Variants in URM1 observed in about 807,000 individuals in gnomAD.
The protein encoded by URM1 is ubiquitin-related modifier 1.
A neutral mutation model predicts 17.7 loss-of-function variants in URM1; 11 were observed. The observed-to-expected ratio is 0.62, with a 90% confidence interval of 0.39 to 1.03. The LOEUF (loss-of-function observed/expected upper bound fraction) is 1.03, where lower values mean the gene tolerates loss of function less well. URM1 is among the 50% of genes least tolerant of loss of function. The probability of loss-of-function intolerance (pLI) is 0.00; values close to 1 mark genes in which losing one functional copy is unlikely to be tolerated. For synonymous variants in URM1, 48 were observed against 50.6 expected (o/e 0.95, Z 0.22); for missense variants, 128 against 129.2 (o/e 0.99, Z 0.04).
At chr9:128,371,890 C>A (rs941165770) in intron 1 of URM1, among the ~76,000 whole-genome samples, 1 of 152,092 alleles carries the variant, frequency 6.6e-6, no homozygotes, top group African/African-American at 2.4e-5. Flanking sequence ...CTTTTTCTTT[C>A]CTAAGACTTG....
At chr9:128,389,105 A>T (rs1050504789) in intron 3 of URM1, 156 bp from the exon 4 acceptor site, 1 of 1,442,194 alleles carries the variant, frequency 6.9e-7, no homozygotes, top group Non-Finnish European at 9.1e-7. Context: ...CTTCACACTC[A>T]GACCAGCCTC....
intron 2 of URM1, among the ~76,000 whole-genome samples, chr9:128,381,432 C>T (rs1342825540): frequency 6.6e-6 from 1 of 152,232 alleles, no homozygotes; most frequent in Non-Finnish European, 1.5e-5. Flanking sequence ...TGCAGTGGCT[C>T]ACTCCTGTAA....
chr9:128,377,338 G>C (rs980485802), intron 1 of URM1, among the ~76,000 whole-genome samples: 3 of 152,162 alleles, frequency 2.0e-5, no homozygotes, highest in African/African-American at 7.2e-5. Flanking sequence ...ATCAGCCTGG[G>C]TAACATAACA....
chr9:128,386,707 G>A (rs752030905), intron 2 of URM1, among the ~76,000 whole-genome samples: 24 of 152,226 alleles, frequency 1.6e-4, no homozygotes, highest in African/African-American at 4.1e-4. Flanking sequence ...TTTCCCTTGC[G>A]TACACTCTGG....
chr9:128,385,157 G>C (rs766457684), intron 2 of URM1, among the ~76,000 whole-genome samples: 1 of 152,074 alleles, frequency 6.6e-6, no homozygotes, highest in Non-Finnish European at 1.5e-5. Context: ...TACCTTCTCT[G>C]TTCTGCTGCC....
At position 128,389,951 on chromosome 9, in the gene URM1, C is replaced by A; in HGVS notation, c.*217C>A. ...AAGGCAGACAGGCGCCAGAGCCCAG[C>A]ACTCCCTTTTCCAGCAGCTGTGGTG... On this transcript the variant is annotated 3_prime_UTR_variant, in exon 5 of 5. Coordinates refer to ENST00000372853, the MANE Select transcript of URM1 (RefSeq NM_030914.4). The A allele has an allele frequency of 1.6e-6, 1 of 614,094 alleles. No homozygotes were observed. Among genetic ancestry groups the A allele is most frequent in the Non-Finnish European group, 2.8e-6 (1 of 359,736 alleles). 38.0% of individuals were successfully genotyped at this position (614,094 alleles called of 1,614,324 possible). A position where few individuals can be genotyped will look rare whatever the true frequency, so the allele number is the denominator to read the frequency against.
At chr9:128,377,836 G>A (rs1402800325) in intron 1 of URM1, among the ~76,000 whole-genome samples, 200 bp from the exon 2 acceptor site, 1 of 152,160 alleles carries the variant, frequency 6.6e-6, no homozygotes. Context: ...TTCCAGCATA[G>A]GCGACAGAGT....
intron 1 of URM1, among the ~76,000 whole-genome samples, chr9:128,372,995 G>A (rs2131286802): frequency 6.6e-6 from 1 of 152,116 alleles, no homozygotes; most frequent in South Asian, 2.1e-4. Flanking sequence ...TATCAACAAT[G>A]TCTCTGCTAG....
intron 2 of URM1, among the ~76,000 whole-genome samples, chr9:128,379,451 C>G (rs554026085): frequency 6.6e-6 from 1 of 152,030 alleles, no homozygotes; most frequent in Non-Finnish European, 1.5e-5. Flanking sequence ...TGCACTCCAG[C>G]CTGGGCAACA....
At chr9:128,377,951 C>G in intron 1 of URM1, 85 bp from the exon 2 acceptor site, 1 of 1,437,916 alleles carries the variant, frequency 7.0e-7, no homozygotes, top group Non-Finnish European at 9.8e-7. Context: ...CATTACCAGC[C>G]CTATCCTCAG....
intron 3 of URM1, 120 bp downstream of exon 3, chr9:128,388,017 C>A: frequency 6.9e-7 from 1 of 1,445,074 alleles, no homozygotes; most frequent in Non-Finnish European, 9.1e-7. Context: ...TCCTCCCTAA[C>A]TCTTCCAGCT....
At chr9:128,379,101 C>T (rs544279521) in intron 2 of URM1, among the ~76,000 whole-genome samples, 1 of 152,208 alleles carries the variant, frequency 6.6e-6, no homozygotes, top group African/African-American at 2.4e-5. Flanking sequence ...CCAGTCTCCA[C>T]CTATGACTGA....
At chr9:128,389,143 C>G in intron 3 of URM1, 118 bp from the exon 4 acceptor site, 5 of 1,490,058 alleles carry the variant, frequency 3.4e-6, no homozygotes, top group Non-Finnish European at 4.4e-6. Flanking sequence ...TTAGCCAGAC[C>G]CCAGGAGGAA....
intron 2 of URM1, among the ~76,000 whole-genome samples, chr9:128,384,720 A>C (rs1295095786): frequency 6.6e-6 from 1 of 152,124 alleles, no homozygotes; most frequent in African/African-American, 2.4e-5. Context: ...AGCTTTGTAT[A>C]TATCGTCTTA....
intron 3 of URM1, chr9:128,388,263 T>C (rs934016248): frequency 5.5e-6 from 6 of 1,091,260 alleles, no homozygotes; most frequent in African/African-American, 1.6e-5. Context: ...CTAAATATTC[T>C]GTTTTATTTC....
At position 128,371,413 on chromosome 9, in the gene URM1, C is replaced by G. The variant is rs752847603; in HGVS notation, c.33C>G (p.Phe11Leu). 1.9e-6 allele frequency: 3 copies of G among 1,612,774 alleles called. No homozygotes were observed. The highest frequency in any genetic ancestry group is 2.5e-6 in the Non-Finnish European group (3 of 1,179,232). The stretch of plus-strand genomic sequence containing the variant: ...CGCCCTTGTCAGTGGAGGTGGAGTT[C>G]GGGTGAGTCACAGAGCTGGGGCGCC... The part of the protein sequence containing the change: MAAPLSVEVE[F>L]GGGAELLFDG... The change falls in exon 1 of 5, where the codon TTC becomes TTG. Residue 11 changes from phenylalanine to leucine, a missense_variant and splice_region_variant. Coordinates refer to ENST00000372853, the MANE Select transcript of URM1 (RefSeq NM_030914.4).
intron 1 of URM1, among the ~76,000 whole-genome samples, 158 bp downstream of exon 1, chr9:128,371,573 C>T (rs188972375): frequency 6.6e-6 from 1 of 152,356 alleles, no homozygotes; most frequent in East Asian, 1.9e-4. Context: ...AGAGGCCAGT[C>T]TCTCTTGGCA....
intron 4 of URM1, 164 bp from the exon 5 acceptor site, chr9:128,389,502 C>T (rs1022946890): frequency 2.2e-5 from 34 of 1,551,918 alleles, no homozygotes; most frequent in Non-Finnish European, 3.0e-5. Flanking sequence ...TGGGAGTACT[C>T]CTCCATCCTG....
Position 128,387,983 on chromosome 9 carries a change from C to G in URM1, c.188+86C>G. 5 of 1,544,350 alleles carry G rather than the reference C, an allele frequency of 3.2e-6. No homozygotes were observed. The highest frequency in any genetic ancestry group is 2.5e-5 in the South Asian group (2 of 81,588). ...CACCCTCGGGTTCAGTCCTGGCCTT[C>G]TCTGAATCCGGTTCTCCCCTTCCTC... On this transcript the variant is annotated intron_variant, in intron 3 of 4. Coordinates refer to ENST00000372853, the MANE Select transcript of URM1 (RefSeq NM_030914.4). This position sits in a 1 kb window ranked among gnomAD's most constrained non-coding sequence, Gnocchi z 4.3.
Sources: gnomAD v4.1 joint callset for allele counts (sites outside exome capture counted in the v4.1 genomes callset) on GRCh38, gnomAD v4.1.1 for gene constraint, Gnocchi (gnomAD v3.1) non-coding constraint, MANE v1.5 for transcripts, NCBI Gene and HGNC (gene_info 2026-07-23, HGNC 2026-07-21) for gene names.